CNTN5: variants seen among roughly 807,000 people sequenced by gnomAD.
CNTN5 encodes contactin 5.
A neutral mutation model predicts 129.1 loss-of-function variants in CNTN5; 77 were observed. The observed-to-expected ratio is 0.60, with a 90% CI of 0.50 to 0.72. CNTN5 has a LOEUF of 0.72. Among genes scored for constraint, CNTN5 ranks in the 30% least tolerant of loss-of-function variants. CNTN5 has a pLI of 0.00. For missense variants in CNTN5, 1,478 were observed against 1,328.8 expected (o/e 1.11, Z -1.75); for synonymous variants, 509 against 465.6 (o/e 1.09, Z -1.20).
chr11:99,167,964 G>A (rs2135531601), intron 1 of CNTN5, among the ~76,000 whole-genome samples: 1 of 149,720 alleles, frequency 6.7e-6, no homozygotes, highest in African/African-American at 2.5e-5. Context: ...GAGATAGCAT[G>A]TCAATCTGTT....
chr11:99,985,318 C>T (rs79734114), intron 8 of CNTN5, among the ~76,000 whole-genome samples: 1 of 152,114 alleles, frequency 6.6e-6, no homozygotes, highest in African/African-American at 2.4e-5. Flanking sequence ...GACAGGGGAG[C>T]AGGAGAGGGG....
At chr11:99,080,196 C>A (rs1294812178) in intron 1 of CNTN5, among the ~76,000 whole-genome samples, 1 of 152,062 alleles carries the variant, frequency 6.6e-6, no homozygotes, top group Non-Finnish European at 1.5e-5. Flanking sequence ...TAGCATAAGA[C>A]TGTAAAGTGG....
rs186213603 is a variant in CNTN5, at chr11:99,657,611, T to G, written c.55+101342T>G. Among the ~76,000 whole-genome samples, 339 of 152,320 alleles carry G rather than the reference T, an allele frequency of 2.2e-3. 1 individual carries two copies. Among genetic ancestry groups the G allele is most frequent in the African/African-American group, 7.4e-3 (309 of 41,578 alleles). On this transcript the variant is annotated intron_variant, in intron 3 of 24. Transcript: ENST00000524871. ...TTCATAGGAAGGTTTCGCTTTTGTT[T>G]GTTTTTTTAAAAACCTGAGTCTTTT...
At chr11:99,758,924 T>C (rs1944488457) in intron 3 of CNTN5, among the ~76,000 whole-genome samples, 1 of 152,086 alleles carries the variant, frequency 6.6e-6, no homozygotes, top group Admixed American at 6.6e-5. Flanking sequence ...GGTTTCAATA[T>C]ATGGTATTTT....
intron 1 of CNTN5, among the ~76,000 whole-genome samples, chr11:99,155,452 C>T (rs1018019513): frequency 2.6e-5 from 4 of 152,098 alleles, no homozygotes; most frequent in Admixed American, 6.6e-5. Context: ...TGTGAACTAA[C>T]AGATGTGCAG....
chr11:100,065,422 A>T (rs1406242717), intron 10 of CNTN5, among the ~76,000 whole-genome samples: 1 of 152,098 alleles, frequency 6.6e-6, no homozygotes, highest in African/African-American at 2.4e-5. Context: ...AATAGATGAG[A>T]GTCAGGAAAG....
At chr11:99,754,069 G>A (rs1438625737) in intron 3 of CNTN5, among the ~76,000 whole-genome samples, 2 of 152,082 alleles carry the variant, frequency 1.3e-5, no homozygotes, top group South Asian at 2.1e-4. Context: ...CAGTCTGAGG[G>A]TAAATTCAGG....
intron 2 of CNTN5, among the ~76,000 whole-genome samples, chr11:99,512,730 C>A (rs965816380): frequency 6.6e-6 from 1 of 151,954 alleles, no homozygotes; most frequent in Non-Finnish European, 1.5e-5. Context: ...TTTGGGGTGC[C>A]ACAAACAGAT....
At chr11:99,749,861 A>G (rs1944174071) in intron 3 of CNTN5, among the ~76,000 whole-genome samples, 1 of 152,236 alleles carries the variant, frequency 6.6e-6, no homozygotes, top group Admixed American at 6.5e-5. Flanking sequence ...AAGTGTAGCC[A>G]CATAACTATG....
At chr11:99,630,317 TA>T (rs1951295685) in intron 3 of CNTN5, among the ~76,000 whole-genome samples, 1 of 151,996 alleles carries the variant, frequency 6.6e-6, no homozygotes. Context: ...AAGTTAACAG[TA>T]ATTGCCTCTG....
chr11:99,074,226 T>C (rs536051334), intron 1 of CNTN5, among the ~76,000 whole-genome samples: 2 of 151,074 alleles, frequency 1.3e-5, no homozygotes. Flanking sequence ...GATGGAGTTG[T>C]TTTTTTTTCT....
chr11:100,287,976 G>A (rs1314403525), intron 18 of CNTN5, among the ~76,000 whole-genome samples: 1 of 152,028 alleles, frequency 6.6e-6, no homozygotes, highest in Non-Finnish European at 1.5e-5. Flanking sequence ...TGATAAAACA[G>A]ACTTTAAACC....
At chr11:99,943,393 T>C (rs2136120010) in intron 7 of CNTN5, among the ~76,000 whole-genome samples, 1 of 152,284 alleles carries the variant, frequency 6.6e-6, no homozygotes, top group East Asian at 1.9e-4. Context: ...GTGTTTTTTC[T>C]TGTAAATTTG....
chr11:100,148,241 G>GTTGT lies in CNTN5; in HGVS notation c.1581-42881_1581-42878dup, dbSNP rs1272277626. 4.6e-5 allele frequency among the ~76,000 whole-genome samples: 7 copies of GTTGT among 152,196 alleles called. 1 individual carries two copies. The highest frequency in any genetic ancestry group is 1.4e-4 in the African/African-American group (6 of 41,532). The stretch of plus-strand genomic sequence containing the variant: ...GTTTATAATCCAAGCTTGTCCCATA[G>GTTGT]TTGTTTGGTCTTGTACATATTGTCA... On this transcript the variant is annotated intron_variant, in intron 13 of 24. Transcript: ENST00000524871.
chr11:99,474,059 C>A (rs1455557244), intron 2 of CNTN5, among the ~76,000 whole-genome samples: 1 of 151,694 alleles, frequency 6.6e-6, no homozygotes, highest in East Asian at 1.9e-4. Context: ...TTTATTGCAC[C>A]AAAACAATTT....
chr11:99,144,861 T>G (rs1859701252), intron 1 of CNTN5, among the ~76,000 whole-genome samples: 1 of 152,090 alleles, frequency 6.6e-6, no homozygotes, highest in South Asian at 2.1e-4. Flanking sequence ...TCTTTCTTAG[T>G]TTCTGTGAAA....
At chr11:99,747,096 T>A (rs774307288) in intron 3 of CNTN5, among the ~76,000 whole-genome samples, 1 of 152,216 alleles carries the variant, frequency 6.6e-6, no homozygotes, top group Non-Finnish European at 1.5e-5. Context: ...TCAATTTCTT[T>A]CATCAATGTA....
intron 3 of CNTN5, among the ~76,000 whole-genome samples, chr11:99,598,099 T>C (rs935265875): frequency 1.3e-5 from 2 of 152,126 alleles, no homozygotes; most frequent in African/African-American, 4.8e-5. Flanking sequence ...GGGAATATGA[T>C]ACCAGTTTCC....
intron 1 of CNTN5, among the ~76,000 whole-genome samples, chr11:99,065,105 G>A (rs986084782): frequency 6.6e-6 from 1 of 151,866 alleles, no homozygotes; most frequent in African/African-American, 2.4e-5. Context: ...AAAATAAAAA[G>A]CAAGATGATA....
Sources: allele counts gnomAD v4.1 joint callset (sites outside exome capture counted in the v4.1 genomes callset), GRCh38; gene constraint gnomAD v4.1.1; transcripts MANE v1.5; gene names NCBI Gene and HGNC (gene_info 2026-07-23, HGNC 2026-07-21).